OBI1: variants seen among roughly 807,000 people sequenced by gnomAD.
The protein encoded by OBI1 is ORC ubiquitin ligase 1.
Under a neutral mutation model 62.4 loss-of-function variants are expected in OBI1, and 59 were observed. The ratio of observed to expected loss-of-function variants is 0.95; its 90% confidence interval spans 0.77 to 1.17. The LOEUF (loss-of-function observed/expected upper bound fraction) is 1.17, where lower values mean the gene tolerates loss of function less well. Among genes scored for constraint, OBI1 ranks in the 50% most tolerant of loss-of-function variants. OBI1 has a pLI of 0.00. For synonymous variants in OBI1, 302 were observed against 292.8 expected, an observed-to-expected ratio of 1.03 and a Z score of -0.32; for missense variants, 875 against 830.9, an observed-to-expected ratio of 1.05 and a Z score of -0.65.
Position 78,644,859 on chromosome 13 carries a change from T to C in OBI1, c.208+3A>G, listed in dbSNP as rs370284940. 1.8e-5 allele frequency: 29 copies of C among 1,613,312 alleles called. No individual in the cohort carries two copies. The highest frequency in any genetic ancestry group is 2.5e-5 in the Non-Finnish European group (29 of 1,179,388). ...CCTATGCATATATAAAACAGGCCCT[T>C]ACCTATAATTTCTTTGCAAGGATTT... On this transcript the variant is annotated splice_donor_region_variant and intron_variant, in intron 2 of 5. Transcript: ENST00000282003.
chr13:78,644,585 C>T (rs1876327008), intron 2 of OBI1, among the ~76,000 whole-genome samples: 1 of 151,880 alleles, frequency 6.6e-6, no homozygotes. Flanking sequence ...ACTCTCTGGG[C>T]TTTTTTGGGG....
intron 5 of OBI1, 102 bp from the exon 6 acceptor site, chr13:78,617,224 G>T: frequency 1.1e-6 from 1 of 912,118 alleles, no homozygotes; most frequent in Non-Finnish European, 1.6e-6. Context: ...TCACCTAACA[G>T]TGACATTTCA....
chr13:78,625,819 T>C (rs890553694), intron 5 of OBI1, among the ~76,000 whole-genome samples: 2 of 152,128 alleles, frequency 1.3e-5, no homozygotes, highest in African/African-American at 4.8e-5. Flanking sequence ...GAATCAGTCA[T>C]TGGATCAGGC....
chr13:78,627,371 C>T lies in OBI1; in HGVS notation c.638+7739G>A, dbSNP rs527486048. 4.0e-5 allele frequency among the ~76,000 whole-genome samples: 6 copies of T among 150,146 alleles called. No individual in the cohort carries two copies. The East Asian group carries it at 9.9e-4, about 25-fold the overall frequency. ...CATTCAGGTTTATTACATAGGTATA[C>T]GTGTGCCATGGTGGTTTGCTGCACC... On this transcript the variant is annotated intron_variant, in intron 5 of 5. Coordinates refer to ENST00000282003, the MANE Select transcript of OBI1 (RefSeq NM_024546.4).
Position 78,616,195 on chromosome 13 carries a change from T to C in OBI1, c.1566A>G (p.Thr522=). ...CCATCGATGCTTCACTGGATGTTCT[T>C]GTCCGGTTCATTTCAAAAGAGCGAA... ...NSIRSFEMNR[T]RTSSEASMDA... The change falls in exon 6 of 6, where the codon ACA becomes ACG. Residue 522 remains threonine (T), a synonymous_variant. Transcript: ENST00000282003. 1 of 1,614,158 alleles carries C rather than the reference T, an allele frequency of 6.2e-7. No homozygotes were observed.
chr13:78,619,430 G>T (rs1267795859), intron 5 of OBI1, among the ~76,000 whole-genome samples: 2 of 151,720 alleles, frequency 1.3e-5, no homozygotes, highest in Non-Finnish European at 2.9e-5. Flanking sequence ...ATTTCAGAGA[G>T]AAGTAACAAA....
intron 1 of OBI1, among the ~76,000 whole-genome samples, chr13:78,645,393 G>A (rs1313942866): frequency 6.6e-6 from 1 of 152,128 alleles, no homozygotes; most frequent in East Asian, 1.9e-4. Context: ...TCCATCTGAT[G>A]CCCGAATCCT....
At chr13:78,652,041 C>T (rs1384091147) in intron 1 of OBI1, among the ~76,000 whole-genome samples, 1 of 152,166 alleles carries the variant, frequency 6.6e-6, no homozygotes, top group South Asian at 2.1e-4. Flanking sequence ...TTGGCTCTGT[C>T]TGCTAAGAGT....
intron 5 of OBI1, among the ~76,000 whole-genome samples, chr13:78,626,840 G>T (rs1465465751): frequency 1.3e-5 from 2 of 152,172 alleles, no homozygotes; most frequent in Non-Finnish European, 2.9e-5. Flanking sequence ...GCCAAGGCAG[G>T]CGGATCATGA....
intron 5 of OBI1, among the ~76,000 whole-genome samples, chr13:78,623,603 G>A (rs552902775): frequency 4.9e-4 from 74 of 152,278 alleles, no homozygotes; most frequent in Admixed American, 1.1e-3. Flanking sequence ...GTTTGAAATC[G>A]TATTAAATAC....
intron 5 of OBI1, among the ~76,000 whole-genome samples, chr13:78,619,420 A>C (rs932223713): frequency 6.6e-6 from 1 of 151,620 alleles, no homozygotes; most frequent in Admixed American, 6.6e-5. Flanking sequence ...TTTTTGTGTT[A>C]TTTCAGAGAG....
chr13:78,649,937 C>T (rs113841041), intron 1 of OBI1, among the ~76,000 whole-genome samples: 36 of 152,176 alleles, frequency 2.4e-4, no homozygotes, highest in African/African-American at 2.4e-4. Flanking sequence ...CAGCTGAAAA[C>T]GAGAAGGGAA....
chr13:78,654,812 G>A lies in OBI1; in HGVS notation c.72+4237C>T, dbSNP rs191243161. 6.6e-5 allele frequency among the ~76,000 whole-genome samples: 10 copies of A among 152,194 alleles called. No homozygotes were observed. In the South Asian group the frequency reaches 8.3e-4, roughly 13 times the overall value. ...TAAGTAGAAATCATAATTTTATGGA[G>A]CCACACAAGGCTTGAGTCCCTTCCA... On this transcript the variant is annotated intron_variant, in intron 1 of 5. Coordinates refer to ENST00000282003, the MANE Select transcript of OBI1 (RefSeq NM_024546.4).
intron 5 of OBI1, among the ~76,000 whole-genome samples, chr13:78,623,450 A>G (rs1400245492): frequency 3.9e-5 from 6 of 152,106 alleles, no homozygotes; most frequent in Non-Finnish European, 7.4e-5. Context: ...TGCTTGATAT[A>G]TATTATCTCA....
At chr13:78,635,273 T>C (rs1875991126) in intron 4 of OBI1, 75 bp from the exon 5 acceptor site, 2 of 864,130 alleles carry the variant, frequency 2.3e-6, no homozygotes, top group Non-Finnish European at 3.8e-6. Context: ...ACATGAGCCA[T>C]CCGTATTTTT....
chr13:78,620,139 C>T (rs1875460996), intron 5 of OBI1, among the ~76,000 whole-genome samples: 2 of 152,154 alleles, frequency 1.3e-5, no homozygotes, highest in South Asian at 4.1e-4. Flanking sequence ...AGGAAATTTT[C>T]AGCTTATCCA....
intron 4 of OBI1, among the ~76,000 whole-genome samples, chr13:78,637,894 C>T (rs1348129681): frequency 6.6e-6 from 1 of 152,168 alleles, no homozygotes; most frequent in African/African-American, 2.4e-5. Context: ...TATTTCTCTG[C>T]TACTTAACCT....
At chr13:78,641,893 C>T (rs1876227172) in intron 3 of OBI1, among the ~76,000 whole-genome samples, 1 of 150,736 alleles carries the variant, frequency 6.6e-6, no homozygotes, top group South Asian at 2.1e-4. Context: ...GAATCCCATT[C>T]CCCCATTCCT....
intron 4 of OBI1, among the ~76,000 whole-genome samples, chr13:78,637,922 T>C (rs1444305021): frequency 6.6e-6 from 1 of 152,184 alleles, no homozygotes; most frequent in Non-Finnish European, 1.5e-5. Context: ...TGAGAGCCAA[T>C]ATACAGGGGA....
Sources: gnomAD v4.1 joint callset for allele counts (sites outside exome capture counted in the v4.1 genomes callset) on GRCh38, gnomAD v4.1.1 for gene constraint, MANE v1.5 for transcripts, NCBI Gene and HGNC (gene_info 2026-07-23, HGNC 2026-07-21) for gene names.